SERBP1: variants seen among roughly 807,000 people sequenced by gnomAD.
SERBP1 encodes the protein SERPINE1 mRNA binding protein 1.
A neutral mutation model predicts 50.2 loss-of-function variants in SERBP1; 6 were observed. That is an observed-to-expected ratio of 0.12 (90% CI 0.07 to 0.24). SERBP1 has a LOEUF of 0.24. Among genes scored for constraint, SERBP1 ranks in the 10% least tolerant of loss-of-function variants. The pLI, the probability that SERBP1 is intolerant of heterozygous loss-of-function variation, is 1.00. For missense variants in SERBP1, 346 were observed against 524.9 expected (o/e 0.66, Z 3.33); for synonymous variants, 168 against 182.8 (o/e 0.92, Z 0.65).
At chr1:67,421,899 A>G (rs1667210553) in intron 5 of SERBP1, among the ~76,000 whole-genome samples, 1 of 152,264 alleles carries the variant, frequency 6.6e-6, no homozygotes, top group Non-Finnish European at 1.5e-5. Context: ...AAATCGCGCC[A>G]CTGCACTCTA....
chr1:67,429,851 G>A, intron 1 of SERBP1, 137 bp downstream of exon 1: 2 of 1,019,358 alleles, frequency 2.0e-6, no homozygotes, highest in Non-Finnish European at 2.9e-6. Flanking sequence ...CCGGACTTTT[G>A]TCGCGTGAAG....
intron 4 of SERBP1, 122 bp from the exon 5 acceptor site, chr1:67,424,399 T>C (rs1418043066): frequency 1.5e-6 from 2 of 1,301,118 alleles, no homozygotes; most frequent in African/African-American, 3.0e-5. Flanking sequence ...AAAAATACCA[T>C]AAGCTCTCAC....
In SERBP1 at chr1:67,410,141, G is replaced by A. The variant is rs1264567029; in HGVS notation, c.*3066C>T. On this transcript the variant is annotated 3_prime_UTR_variant, in exon 8 of 8. Coordinates refer to ENST00000361219, the MANE Select transcript of SERBP1 (RefSeq NM_001018069.2). Reference sequence around the variant, plus strand: ...AATCTTACCTCTAAGGTCAACATCAGTTAGGTTCTAGTAACTTCCTATTTC... The same window carrying A: ...AATCTTACCTCTAAGGTCAACATCAATTAGGTTCTAGTAACTTCCTATTTC... The A allele has an allele frequency of 6.6e-6, 1 of 152,170 alleles. No homozygotes were observed. Among genetic ancestry groups the A allele is most frequent in the Non-Finnish European group, 1.5e-5 (1 of 68,022 alleles). 9.4% of individuals were successfully genotyped at this position (152,170 alleles called of 1,614,324 possible). A position where few individuals can be genotyped will look rare whatever the true frequency, so the allele number is the denominator to read the frequency against.
chr1:67,413,281 A>G lies in SERBP1; in HGVS notation c.1126-18T>C, dbSNP rs1385555543. 1.3e-6 allele frequency: 2 copies of G among 1,574,048 alleles called. No homozygotes were observed. Among genetic ancestry groups the G allele is most frequent in the South Asian group, 2.4e-5 (2 of 83,596 alleles). Reference sequence around the variant, plus strand: ...GCACTTGACTGAAAAAGAAAAACCAAAATTAACCACAGTTCTCAGTTCTTC... The same window carrying G: ...GCACTTGACTGAAAAAGAAAAACCAGAATTAACCACAGTTCTCAGTTCTTC... On this transcript the variant is annotated intron_variant, in intron 7 of 7. Coordinates refer to ENST00000361219, the MANE Select transcript of SERBP1 (RefSeq NM_001018069.2).
At chr1:67,418,162 AC>A (rs1557502605) in intron 6 of SERBP1, among the ~76,000 whole-genome samples, 1 of 150,754 alleles carries the variant, frequency 6.6e-6, no homozygotes, top group Non-Finnish European at 1.5e-5. Context: ...TTTAGTAGAG[AC>A]GGGGTTTCTC....
At position 67,410,780 on chromosome 1, in the gene SERBP1, G is replaced by A. The variant is rs557974926; in HGVS notation, c.*2427C>T. ...GCTTAACTTTCATTATCAAAAAAGT[G>A]ATCTGCTAAGAAGTGACAATCAGAT... On this transcript the variant is annotated 3_prime_UTR_variant, in exon 8 of 8. Coordinates refer to ENST00000361219, the MANE Select transcript of SERBP1 (RefSeq NM_001018069.2). 1 of 152,226 alleles carries A rather than the reference G, an allele frequency of 6.6e-6. No individual in the cohort carries two copies. Among genetic ancestry groups the A allele is most frequent in the African/African-American group, 2.4e-5 (1 of 41,536 alleles). 9.4% of individuals were successfully genotyped at this position (152,226 alleles called of 1,614,324 possible). A position where few individuals can be genotyped will look rare whatever the true frequency, so the allele number is the denominator to read the frequency against.
At chr1:67,418,205 C>A (rs1207772840) in intron 6 of SERBP1, among the ~76,000 whole-genome samples, 1 of 150,826 alleles carries the variant, frequency 6.6e-6, no homozygotes, top group Non-Finnish European at 1.5e-5. Context: ...GAACTCCCGA[C>A]CTCAGGTGAT....
intron 6 of SERBP1, among the ~76,000 whole-genome samples, chr1:67,418,218 G>A (rs986123016): frequency 1.3e-5 from 2 of 150,784 alleles, no homozygotes; most frequent in African/African-American, 4.9e-5. Flanking sequence ...CAGGTGATCC[G>A]CCCGCCTCAG....
intron 6 of SERBP1, among the ~76,000 whole-genome samples, chr1:67,416,464 T>C (rs111729712): frequency 2.4e-4 from 36 of 152,362 alleles, no homozygotes; most frequent in African/African-American, 8.4e-4. Context: ...ACGCTTGGGA[T>C]GGGTTTTAAT....
intron 5 of SERBP1, among the ~76,000 whole-genome samples, chr1:67,421,600 T>G (rs1482662876): frequency 6.6e-6 from 1 of 152,230 alleles, no homozygotes; most frequent in African/African-American, 2.4e-5. Flanking sequence ...AATACATTAG[T>G]ACCTTTTGGT....
intron 4 of SERBP1, 82 bp downstream of exon 4, chr1:67,424,806 C>G: frequency 1.9e-6 from 2 of 1,037,096 alleles, no homozygotes; most frequent in South Asian, 2.6e-5. Flanking sequence ...TCATTCTTAT[C>G]TCAGAGACAA....
At chr1:67,416,251 G>A (rs972504594) in intron 6 of SERBP1, among the ~76,000 whole-genome samples, 1 of 152,150 alleles carries the variant, frequency 6.6e-6, no homozygotes, top group Non-Finnish European at 1.5e-5. Flanking sequence ...AGGCTCAAGC[G>A]ATCCGCTGGC....
rs934449980 is a variant in SERBP1, at chr1:67,429,863, A to C, written c.313+125T>G. On this transcript the variant is annotated intron_variant, in intron 1 of 7. Coordinates refer to ENST00000361219, the MANE Select transcript of SERBP1 (RefSeq NM_001018069.2). ...GGACCGGACTTTTGTCGCGTGAAGA[A>C]ACGTGAGGATATAGGCGGCAAAGTC... is the stretch of plus-strand genomic sequence containing the variant. 18 of 1,086,028 alleles carry C rather than the reference A, an allele frequency of 1.7e-5. No individual in the cohort carries two copies. The Admixed American group carries it at 3.4e-4, about 21-fold the overall frequency. The allele number at this position is 1,086,028 out of a possible 1,614,324, so 67.3% of individuals were successfully genotyped here.
intron 1 of SERBP1, among the ~76,000 whole-genome samples, chr1:67,427,770 T>C (rs985979425): frequency 6.6e-6 from 1 of 152,200 alleles, no homozygotes; most frequent in Non-Finnish European, 1.5e-5. Flanking sequence ...ACCTACCTAA[T>C]GAAAAAGACT....
chr1:67,413,255 A>G lies in SERBP1; in HGVS notation c.1134T>C (p.Ala378=). 1.3e-6 allele frequency: 2 copies of G among 1,588,412 alleles called. No homozygotes were observed. The highest frequency in any genetic ancestry group is 8.5e-7 in the Non-Finnish European group (1 of 1,171,462). ...CTGGGTCATCCACATCAGGAGCAGAAGCACTTGACTGAAAAAGAAAAACCA... is the reference window on the plus strand; with the variant it reads ...CTGGGTCATCCACATCAGGAGCAGAGGCACTTGACTGAAAAAGAAAAACCA... ...NRGSRTDKSS[A]SAPDVDDPEA... is the part of the protein sequence containing the mutation. The change falls in exon 8 of 8, where the codon GCT becomes GCC. Residue 378 remains alanine (A), a synonymous_variant. Transcript: ENST00000361219.
rs1666821501 is a variant in SERBP1 at position 67,411,071 on chromosome 1, TTTA to T, written c.*2133_*2135del. The T allele has an allele frequency of 6.6e-6, 1 of 152,174 alleles. No homozygotes were observed. Among genetic ancestry groups the T allele is most frequent in the Admixed American group, 6.5e-5 (1 of 15,282 alleles). 9.4% of individuals were successfully genotyped at this position (152,174 alleles called of 1,614,324 possible). A position where few individuals can be genotyped will look rare whatever the true frequency, so the allele number is the denominator to read the frequency against. On this transcript the variant is annotated 3_prime_UTR_variant, in exon 8 of 8. Transcript: ENST00000361219. ...TAAGAAGTGAGCATGAAAATAAATC[TTTA>T]TTTTCAGTTATTACCCACCAATAAG... is the stretch of plus-strand genomic sequence containing the variant.
Position 67,424,227 on chromosome 1 carries a change from T to C in SERBP1, c.746A>G (p.His249Arg). 6.2e-7 allele frequency: 1 copy of C among 1,612,284 alleles called. No individual in the cohort carries two copies. Residue 249 changes from histidine (H) to arginine (R), a missense_variant, in exon 5 of 8, where the codon CAT becomes CGT. By Grantham distance (29) the His-to-Arg change is conservative (BLOSUM62 0). Around this residue, in one of 5 missense-constraint regions of SERBP1, gnomAD observed 257 missense variants for 331.2 expected, o/e 0.78. Coordinates refer to ENST00000361219, the MANE Select transcript of SERBP1 (RefSeq NM_001018069.2). ...VTEETPEGEE[H>R]HPVADTENKE... is the part of the protein sequence containing the mutation. Reference sequence around the variant, plus strand: ...ATTTTCAGTGTCTGCCACTGGATGATGTTCTTCACCTTCAGGTGTTTCCTC... The same window carrying C: ...ATTTTCAGTGTCTGCCACTGGATGACGTTCTTCACCTTCAGGTGTTTCCTC...
At chr1:67,428,004 T>C (rs965465758) in intron 1 of SERBP1, among the ~76,000 whole-genome samples, 2 of 152,228 alleles carry the variant, frequency 1.3e-5, no homozygotes, top group Admixed American at 1.3e-4. Context: ...TGTCAAGTAT[T>C]ATGTCACAAT....
intron 5 of SERBP1, 61 bp downstream of exon 5, chr1:67,424,139 A>T (rs1667294203): frequency 6.6e-7 from 1 of 1,526,010 alleles, no homozygotes; most frequent in Non-Finnish European, 8.8e-7. Context: ...GGGTTATCTT[A>T]TTGGTAAAAC....
Sources: gnomAD v4.1 joint callset for allele counts (sites outside exome capture counted in the v4.1 genomes callset) on GRCh38, gnomAD v4.1.1 for gene constraint, gnomAD v4.1.1 regional missense constraint, MANE v1.5 for transcripts, NCBI Gene and HGNC (gene_info 2026-07-23, HGNC 2026-07-21) for gene names.